The following NDST4 variants were observed in gnomAD, a reference collection of about 807,000 sequenced individuals.
NDST4 encodes the protein N-deacetylase and N-sulfotransferase 4, also known as N-heparan sulfate sulfotransferase 4.
Under a neutral mutation model 100.8 loss-of-function variants are expected in NDST4, and 63 were observed. That is an observed-to-expected ratio of 0.62 (90% CI 0.51 to 0.77). NDST4 has a LOEUF of 0.77. Ranked by LOEUF, NDST4 falls within the 30% of genes least tolerant of loss-of-function variation. NDST4 has a pLI of 0.00. For synonymous variants in NDST4, 377 were observed against 361.8 expected (o/e 1.04, Z -0.48); for missense variants, 943 against 1,018.4 (o/e 0.93, Z 1.01).
At chr4:114,911,876 C>A (rs1051289117) in intron 6 of NDST4, among the ~76,000 whole-genome samples, 1 of 152,094 alleles carries the variant, frequency 6.6e-6, no homozygotes, top group Non-Finnish European at 1.5e-5. Flanking sequence ...CCATCTAATG[C>A]TATCATTTAC....
At chr4:114,872,929 C>T (rs1325795514) in intron 6 of NDST4, among the ~76,000 whole-genome samples, 1 of 151,710 alleles carries the variant, frequency 6.6e-6, no homozygotes, top group Non-Finnish European at 1.5e-5. Flanking sequence ...TTTCCTTTTG[C>T]CCTTTTCAAC....
intron 4 of NDST4, among the ~76,000 whole-genome samples, chr4:114,938,538 A>G (rs1191527230): frequency 6.6e-6 from 1 of 152,236 alleles, no homozygotes; most frequent in African/African-American, 2.4e-5. Flanking sequence ...AATTGAGGTT[A>G]TAAATGACAA....
chr4:114,995,123 T>G (rs1214665863), intron 2 of NDST4, among the ~76,000 whole-genome samples: 3 of 152,080 alleles, frequency 2.0e-5, no homozygotes, highest in Non-Finnish European at 1.5e-5. Flanking sequence ...TTATTCTTTC[T>G]CATTATTACT....
chr4:114,987,201 T>C (rs1726933994), intron 2 of NDST4, among the ~76,000 whole-genome samples: 1 of 151,960 alleles, frequency 6.6e-6, no homozygotes, highest in Non-Finnish European at 1.5e-5. Flanking sequence ...ATAAACAAAA[T>C]AATCAAGTCA....
At chr4:114,841,004 T>C (rs1723412318) in intron 10 of NDST4, among the ~76,000 whole-genome samples, 1 of 152,188 alleles carries the variant, frequency 6.6e-6, no homozygotes, top group Non-Finnish European at 1.5e-5. Context: ...ATTAGTAAAA[T>C]GTGTAGAAAT....
At chr4:115,070,351 G>T (rs976100136) in intron 2 of NDST4, among the ~76,000 whole-genome samples, 1 of 152,118 alleles carries the variant, frequency 6.6e-6, no homozygotes, top group Non-Finnish European at 1.5e-5. Flanking sequence ...TTATAAGTGG[G>T]AGCTAAAAGA....
chr4:114,953,636 C>T (rs1726070867), intron 4 of NDST4, among the ~76,000 whole-genome samples: 1 of 152,090 alleles, frequency 6.6e-6, no homozygotes, highest in South Asian at 2.1e-4. Flanking sequence ...TGATGCCTGG[C>T]ATGCATTTAT....
intron 2 of NDST4, among the ~76,000 whole-genome samples, chr4:114,994,473 G>A (rs74690791): frequency 0.024 from 3,670 of 151,968 alleles, 64 homozygotes; most frequent in Middle Eastern, 0.051. Context: ...AGAACACAGA[G>A]TGATCAATAA....
intron 1 of NDST4, among the ~76,000 whole-genome samples, chr4:115,097,074 T>C (rs1026568226): frequency 1.3e-5 from 2 of 152,100 alleles, no homozygotes; most frequent in Non-Finnish European, 2.9e-5. Context: ...AATTTATGTT[T>C]TTTCTTAATC....
At chr4:115,014,924 A>G (rs1461133972) in intron 2 of NDST4, among the ~76,000 whole-genome samples, 51 of 152,116 alleles carry the variant, frequency 3.4e-4, no homozygotes, top group Admixed American at 3.3e-3. Context: ...ATAGATGGCT[A>G]CTAAATTCTT....
intron 12 of NDST4, among the ~76,000 whole-genome samples, chr4:114,830,828 C>T (rs995614038): frequency 1.3e-5 from 2 of 152,040 alleles, no homozygotes; most frequent in African/African-American, 2.4e-5. Context: ...ATTTTGTTGC[C>T]CTGGGCCCAT....
At chr4:114,891,040 C>T (rs1270152857) in intron 6 of NDST4, among the ~76,000 whole-genome samples, 1 of 152,078 alleles carries the variant, frequency 6.6e-6, no homozygotes, top group African/African-American at 2.4e-5. Context: ...TTGAAAGTCA[C>T]TAATGACTTC....
intron 2 of NDST4, among the ~76,000 whole-genome samples, chr4:115,009,901 A>C (rs1268877650): frequency 3.1e-5 from 3 of 95,950 alleles, no homozygotes; most frequent in Non-Finnish European, 6.3e-5. Flanking sequence ...TTCTCAAAAG[A>C]AGACATTTAT....
At chr4:114,890,294 T>C (rs1724566075) in intron 6 of NDST4, among the ~76,000 whole-genome samples, 1 of 152,068 alleles carries the variant, frequency 6.6e-6, no homozygotes, top group South Asian at 2.1e-4. Context: ...CTAATGCAAT[T>C]ATAGTTATCA....
chr4:114,876,799 T>C (rs1448071359), intron 6 of NDST4, among the ~76,000 whole-genome samples: 1 of 152,194 alleles, frequency 6.6e-6, no homozygotes, highest in East Asian at 1.9e-4. Flanking sequence ...TAATTAATGA[T>C]TGATTGTAAC....
intron 6 of NDST4, among the ~76,000 whole-genome samples, chr4:114,879,602 G>A (rs1724324200): frequency 6.6e-6 from 1 of 152,056 alleles, no homozygotes; most frequent in Admixed American, 6.6e-5. Context: ...TTGAATACAG[G>A]GACTCTGGTG....
intron 1 of NDST4, among the ~76,000 whole-genome samples, chr4:115,105,482 T>A (rs1257472269): frequency 1.3e-5 from 2 of 152,146 alleles, no homozygotes; most frequent in African/African-American, 4.8e-5. Flanking sequence ...CACTGTGTAA[T>A]TTTACCCAGT....
At chr4:115,097,597 T>C (rs370581348) in intron 1 of NDST4, among the ~76,000 whole-genome samples, 1 of 152,162 alleles carries the variant, frequency 6.6e-6, no homozygotes, top group African/African-American at 2.4e-5. Flanking sequence ...ATTTCTCCAC[T>C]GGACTATTGA....
intron 2 of NDST4, among the ~76,000 whole-genome samples, chr4:115,069,734 A>G (rs1436397861): frequency 6.6e-6 from 1 of 152,022 alleles, no homozygotes; most frequent in East Asian, 1.9e-4. Flanking sequence ...CATCTCTACT[A>G]AAGCTGGGTG....
Sources: gnomAD v4.1 joint callset for allele counts (sites outside exome capture counted in the v4.1 genomes callset) on GRCh38, gnomAD v4.1.1 for gene constraint, MANE v1.5 for transcripts, NCBI Gene and HGNC (gene_info 2026-07-23, HGNC 2026-07-21) for gene names.